The following AGTPBP1 variants were observed in gnomAD, a reference collection of about 807,000 sequenced individuals.
The protein encoded by AGTPBP1 is cytosolic carboxypeptidase 1.
In AGTPBP1, 70 loss-of-function variants were observed where a neutral mutation model predicts 143.9. The ratio of observed to expected loss-of-function variants is 0.49; its 90% CI spans 0.40 to 0.59. The LOEUF is 0.59. Ranked by LOEUF, AGTPBP1 falls within the 20% of genes least tolerant of loss-of-function variation. The probability of loss-of-function intolerance (pLI) is 0.00; values close to 1 mark genes in which losing one functional copy is unlikely to be tolerated. For missense variants in AGTPBP1, 1,229 were observed against 1,464.5 expected (o/e 0.84, Z 2.62); for synonymous variants, 463 against 500.2 (o/e 0.93, Z 0.99).
chr9:85,682,172 TAAAAAAAAAAA>T (rs745339958), intron 3 of AGTPBP1, among the ~76,000 whole-genome samples: 1,569 of 85,878 alleles, frequency 0.018, 34 homozygotes, highest in African/African-American at 0.056. Context: ...TAGGATTGGT[TAAAAAAAAAAA>T]AAAAAAAAAA....
At chr9:85,729,258 CCCA>C (rs1378848918) in intron 1 of AGTPBP1, among the ~76,000 whole-genome samples, 2 of 152,134 alleles carry the variant, frequency 1.3e-5, no homozygotes, top group Non-Finnish European at 2.9e-5. Context: ...CACCCAAGTG[CCCA>C]CCAATAGATG....
chr9:85,642,732 TG>T, intron 13 of AGTPBP1, 94 bp downstream of exon 13: 1 of 990,250 alleles, frequency 1.0e-6, no homozygotes, highest in Non-Finnish European at 1.5e-6. Context: ...TTTTTAGAAA[TG>T]GAAAGAAAAT....
At chr9:85,555,030 A>G (rs1826249082) in intron 25 of AGTPBP1, among the ~76,000 whole-genome samples, 1 of 152,204 alleles carries the variant, frequency 6.6e-6, no homozygotes, top group South Asian at 2.1e-4. Context: ...GAAGGGAAGA[A>G]AGCAAAAAAA....
At chr9:85,796,583 A>G in the AGTPBP1 span, among the ~76,000 whole-genome samples, 1 of 151,844 alleles carries the variant, frequency 6.6e-6, no homozygotes. Flanking sequence ...TCCAATGTGT[A>G]TTTCAAGTAG....
At chr9:85,697,241 G>C (rs1165934567) in intron 2 of AGTPBP1, among the ~76,000 whole-genome samples, 1 of 151,956 alleles carries the variant, frequency 6.6e-6, no homozygotes, top group Non-Finnish European at 1.5e-5. Context: ...GCAGATAAGA[G>C]AATCTGTTTT....
At chr9:85,796,839 A>C in the AGTPBP1 span, among the ~76,000 whole-genome samples, 2 of 151,890 alleles carry the variant, frequency 1.3e-5, no homozygotes, top group Non-Finnish European at 2.9e-5. Flanking sequence ...CAGGCCAGAG[A>C]GCAGTGGTGC....
chr9:85,670,582 A>C (rs1834420203), intron 7 of AGTPBP1, among the ~76,000 whole-genome samples: 1 of 152,212 alleles, frequency 6.6e-6, no homozygotes, highest in Non-Finnish European at 1.5e-5. Context: ...TATATTGTAG[A>C]ACCAGGGACA....
chr9:85,571,458 C>T (rs918839078), intron 25 of AGTPBP1, among the ~76,000 whole-genome samples: 8 of 152,138 alleles, frequency 5.3e-5, no homozygotes, highest in African/African-American at 1.7e-4. Flanking sequence ...TAGATTAAAA[C>T]TCACTGAATT....
intron 2 of AGTPBP1, 33 bp from the exon 3 acceptor site, chr9:85,692,846 T>G (rs1049389713): frequency 1.2e-6 from 2 of 1,603,650 alleles, no homozygotes; most frequent in African/African-American, 2.7e-5. Context: ...GGGCACATTC[T>G]AAATCAATGG....
At chr9:85,674,863 TA>T (rs1236866924) in intron 6 of AGTPBP1, among the ~76,000 whole-genome samples, 2 of 152,208 alleles carry the variant, frequency 1.3e-5, no homozygotes, top group African/African-American at 4.8e-5. Context: ...ACTCAAAGTT[TA>T]AAACTCACAT....
At chr9:85,760,839 C>T in the AGTPBP1 span, among the ~76,000 whole-genome samples, 3 of 152,188 alleles carry the variant, frequency 2.0e-5, no homozygotes, top group Admixed American at 6.6e-5. Flanking sequence ...TGTCTGTTTG[C>T]AGATGACATG....
chr9:85,589,685 G>A lies in AGTPBP1; in HGVS notation c.2569-4C>T, dbSNP rs1296114616. 1 of 1,601,812 alleles carries A rather than the reference G, an allele frequency of 6.2e-7. No individual in the cohort carries two copies. Among genetic ancestry groups the A allele is most frequent in the East Asian group, 2.2e-5 (1 of 44,744 alleles). ...ATTCCAATTTTTGAAGATGCATCTTGATAAAAATTTTAAAACAAAATATAC... is the reference window on the plus strand; with the variant it reads ...ATTCCAATTTTTGAAGATGCATCTTAATAAAAATTTTAAAACAAAATATAC... On this transcript the variant is annotated splice_polypyrimidine_tract_variant and splice_region_variant and intron_variant, in intron 19 of 25. Transcript: ENST00000357081.
chr9:85,683,892 G>A (rs1417542106), intron 3 of AGTPBP1, among the ~76,000 whole-genome samples: 1 of 151,976 alleles, frequency 6.6e-6, no homozygotes, highest in Non-Finnish European at 1.5e-5. Context: ...TTTTCCCACA[G>A]TATCAGTCCC....
chr9:85,657,237 G>A (rs1833577604), intron 10 of AGTPBP1, among the ~76,000 whole-genome samples, 198 bp downstream of exon 10: 1 of 150,870 alleles, frequency 6.6e-6, no homozygotes. Flanking sequence ...ACATTGCAGA[G>A]CTGTGCACTG....
chr9:85,690,233 C>A (rs1835775343), intron 3 of AGTPBP1, among the ~76,000 whole-genome samples: 1 of 152,160 alleles, frequency 6.6e-6, no homozygotes, highest in Admixed American at 6.5e-5. Flanking sequence ...TGCATTTCTT[C>A]TTTCAACTAT....
chr9:85,574,056 A>T (rs1395685290), intron 25 of AGTPBP1, among the ~76,000 whole-genome samples: 1 of 152,202 alleles, frequency 6.6e-6, no homozygotes, highest in Non-Finnish European at 1.5e-5. Flanking sequence ...AAAGATTGAG[A>T]AATCGGATGG....
At chr9:85,781,168 A>T in the AGTPBP1 span, 1 of 1,473,056 alleles carries the variant, frequency 6.8e-7, no homozygotes, top group Non-Finnish European at 9.0e-7. Context: ...CATTTATTTA[A>T]AACTGATTTT....
In AGTPBP1 at chr9:85,596,375, T is replaced by C. The variant is rs1455366264; in HGVS notation, c.2410A>G (p.Ile804Val). 3 of 1,606,832 alleles carry C rather than the reference T, an allele frequency of 1.9e-6. No homozygotes were observed. Among genetic ancestry groups the C allele is most frequent in the Middle Eastern group, 1.7e-4 (1 of 6,020 alleles). The change falls in exon 18 of 26, where the codon ATT becomes GTT. Residue 804 changes from isoleucine to valine, a missense_variant. Transcript: ENST00000357081. ...RPWWIRMGTD[I>V]CYYKNHFSRS... ...TAAAATACTTACTTATAGTAACAAA[T>C]GTCAGTCCCCATACGAATCCACCAT...
rs1197807815 is a variant in AGTPBP1, at chr9:85,629,024, G to GT, written c.2015+3637dup. ...GCCACCACGCCCAGCCAACAACAGA[G>GT]TTTTGAATTTCCAGGTTTTTTGTGT... On this transcript the variant is annotated intron_variant, in intron 14 of 25. Coordinates refer to ENST00000357081, the MANE Select transcript of AGTPBP1 (RefSeq NM_001330701.2). 2.6e-5 allele frequency among the ~76,000 whole-genome samples: 4 copies of GT among 152,112 alleles called. No individual in the cohort carries two copies. The East Asian group carries it at 7.7e-4, about 29-fold the overall frequency.
Sources: allele counts gnomAD v4.1 joint callset (sites outside exome capture counted in the v4.1 genomes callset), GRCh38; gene constraint gnomAD v4.1.1; transcripts MANE v1.5; gene names NCBI Gene and HGNC (gene_info 2026-07-23, HGNC 2026-07-21).